The following PRLR variants were observed in gnomAD, a reference collection of about 807,000 sequenced individuals.
PRLR encodes prolactin receptor.
PRLR carries 13 observed loss-of-function variants against 40.2 expected under a neutral mutation model. That is an observed-to-expected ratio of 0.32 (90% CI 0.21 to 0.51). The LOEUF is 0.51. PRLR is among the 20% of genes least tolerant of loss of function. The pLI is 0.97. For missense variants in PRLR, 656 were observed against 747.3 expected (o/e 0.88, Z 1.42); for synonymous variants, 269 against 278.7 (o/e 0.97, Z 0.35).
chr5:35,175,159 C>A (rs1775110116), intron 1 of PRLR, among the ~76,000 whole-genome samples: 1 of 152,100 alleles, frequency 6.6e-6, no homozygotes, highest in African/African-American at 2.4e-5. Context: ...TTGTAGCCCC[C>A]ATAATGCGCA....
At chr5:35,194,102 C>G (rs1428581588) in intron 1 of PRLR, among the ~76,000 whole-genome samples, 1 of 152,198 alleles carries the variant, frequency 6.6e-6, no homozygotes, top group Non-Finnish European at 1.5e-5. Context: ...AAGCAACCAG[C>G]TCACAACTGC....
At chr5:35,167,529 G>A (rs1774875877) in intron 1 of PRLR, among the ~76,000 whole-genome samples, 1 of 151,998 alleles carries the variant, frequency 6.6e-6, no homozygotes, top group South Asian at 2.1e-4. Flanking sequence ...AAAAGGAGGT[G>A]TTCATGGAAG....
chr5:35,156,842 C>T (rs1355496864), intron 1 of PRLR, among the ~76,000 whole-genome samples: 1 of 152,082 alleles, frequency 6.6e-6, no homozygotes, highest in Non-Finnish European at 1.5e-5. Flanking sequence ...GGCCCTAAGC[C>T]CACTTGCAAG....
intron 1 of PRLR, among the ~76,000 whole-genome samples, chr5:35,209,962 C>G (rs1235306736): frequency 6.6e-6 from 1 of 152,188 alleles, no homozygotes; most frequent in African/African-American, 2.4e-5. Context: ...CCCTCCACTT[C>G]AAATGCCGAA....
rs556617389 is a variant in PRLR, at chr5:35,224,287, C to G, written c.-106+5981G>C. Among the ~76,000 whole-genome samples, 47 of 152,344 alleles carry G rather than the reference C, an allele frequency of 3.1e-4. 2 individuals carry two copies. In the South Asian group the frequency reaches 8.7e-3, roughly 28 times the overall value. On this transcript the variant is annotated intron_variant, in intron 1 of 9. Transcript: ENST00000618457. ...AACTCATCACAATCCTGCAGCTTCC[C>G]ACAGCTAGGGAGAAGGTGACTTTTT... is the stretch of plus-strand genomic sequence containing the variant.
intron 1 of PRLR, among the ~76,000 whole-genome samples, chr5:35,186,334 G>A (rs866730558): frequency 1.3e-5 from 2 of 152,172 alleles, no homozygotes; most frequent in Middle Eastern, 3.4e-3. Flanking sequence ...TATTGGGTGT[G>A]CTGTTGTAAC....
At chr5:35,215,720 G>A (rs780784545) in intron 1 of PRLR, among the ~76,000 whole-genome samples, 1 of 152,132 alleles carries the variant, frequency 6.6e-6, no homozygotes, top group Non-Finnish European at 1.5e-5. Context: ...CCTTGGAAGA[G>A]TGGAATCCAT....
chr5:35,206,238 T>C (rs1215115986), intron 1 of PRLR, among the ~76,000 whole-genome samples: 1 of 152,004 alleles, frequency 6.6e-6, no homozygotes, highest in Non-Finnish European at 1.5e-5. Flanking sequence ...GTAAACAGAA[T>C]CAGGCACTTC....
At chr5:35,092,595 T>A (rs1037405129) in intron 2 of PRLR, among the ~76,000 whole-genome samples, 3 of 152,132 alleles carry the variant, frequency 2.0e-5, no homozygotes, top group South Asian at 4.1e-4. Context: ...GCACTCAAGA[T>A]CTTGATCGAG....
chr5:35,065,267 G>A lies in PRLR; in HGVS notation c.1691C>T (p.Pro564Leu). Residue 564 changes from proline to leucine, a missense_variant, in exon 10 of 10, where the codon CCA becomes CTA. Coordinates refer to ENST00000618457, the MANE Select transcript of PRLR (RefSeq NM_000949.7). ...AAAGCAAGCCACGTTTTTAGCATGT[G>A]GATCTGGCACCAACACCAGGATGTT... ...DNNILVLVPD[P>L]HAKNVACFEE... 1 of 1,614,128 alleles carries A rather than the reference G, an allele frequency of 6.2e-7. No individual in the cohort carries two copies. The highest frequency in any genetic ancestry group is 8.5e-7 in the Non-Finnish European group (1 of 1,180,020).
intron 1 of PRLR, among the ~76,000 whole-genome samples, chr5:35,180,609 A>C (rs1775270910): frequency 6.6e-6 from 1 of 151,584 alleles, no homozygotes; most frequent in Non-Finnish European, 1.5e-5. Context: ...ATTATACTTT[A>C]AATTCTAGGG....
chr5:35,180,521 T>C (rs938879320), intron 1 of PRLR, among the ~76,000 whole-genome samples: 1 of 152,168 alleles, frequency 6.6e-6, no homozygotes, highest in African/African-American at 2.4e-5. Context: ...CAGATGCCAG[T>C]ATCATGCTTC....
At chr5:35,177,003 T>C (rs1030066883) in intron 1 of PRLR, among the ~76,000 whole-genome samples, 8 of 152,138 alleles carry the variant, frequency 5.3e-5, no homozygotes, top group Admixed American at 1.3e-4. Context: ...GCAATACTGC[T>C]TTGTAAAGCA....
At chr5:35,203,387 G>T (rs1009971848) in intron 1 of PRLR, among the ~76,000 whole-genome samples, 1 of 152,148 alleles carries the variant, frequency 6.6e-6, no homozygotes, top group African/African-American at 2.4e-5. Flanking sequence ...TGTTGAGTGT[G>T]TAATTAGAAA....
At chr5:35,049,599 A>G (rs888821054) in intron 8 of PRLR, among the ~76,000 whole-genome samples, 8 of 152,246 alleles carry the variant, frequency 5.3e-5, no homozygotes, top group African/African-American at 1.2e-4. Flanking sequence ...CCTGACCATT[A>G]TATTTCAGTA....
chr5:35,133,172 C>T (rs558010577), intron 1 of PRLR, among the ~76,000 whole-genome samples: 1 of 152,320 alleles, frequency 6.6e-6, no homozygotes, highest in East Asian at 1.9e-4. Context: ...GGGAGCTACA[C>T]TATCAGATCT....
rs140211390 is a variant in PRLR, at chr5:35,159,996, C to T, written c.-105-41874G>A. On this transcript the variant is annotated intron_variant, in intron 1 of 9. Coordinates refer to ENST00000618457, the MANE Select transcript of PRLR (RefSeq NM_000949.7). The stretch of plus-strand genomic sequence containing the variant: ...TTTTACAGTCTAATGTGACAACACT[C>T]TTGCAGGGGAAAAGTGACTGAGGTG... Among the ~76,000 whole-genome samples the T allele has an allele frequency of 1.7e-3, 260 of 152,268 alleles. 1 individual carries two copies. Among genetic ancestry groups the T allele is most frequent in the African/African-American group, 6.1e-3 (254 of 41,554 alleles).
At chr5:35,186,493 T>C (rs1317348948) in intron 1 of PRLR, among the ~76,000 whole-genome samples, 1 of 152,182 alleles carries the variant, frequency 6.6e-6, no homozygotes, top group Non-Finnish European at 1.5e-5. Context: ...AGAGGGCATA[T>C]CTTCTTCACC....
chr5:35,071,473 T>A (rs1216687485), intron 6 of PRLR, among the ~76,000 whole-genome samples: 1 of 152,262 alleles, frequency 6.6e-6, no homozygotes, highest in South Asian at 2.1e-4. Flanking sequence ...TCCTATTATT[T>A]TGGCTATGTT....
Sources: gnomAD v4.1 joint callset for allele counts (sites outside exome capture counted in the v4.1 genomes callset) on GRCh38, gnomAD v4.1.1 for gene constraint, MANE v1.5 for transcripts, NCBI Gene and HGNC (gene_info 2026-07-23, HGNC 2026-07-21) for gene names.